ZBTB46: variants seen among roughly 807,000 people sequenced by gnomAD.
ZBTB46 encodes zinc finger and BTB domain-containing protein 46.
In ZBTB46, 8 loss-of-function variants were observed where a neutral mutation model predicts 44.1. That is an observed-to-expected ratio of 0.18 (90% confidence interval 0.11 to 0.33). The LOEUF is 0.33. Ranked by LOEUF, ZBTB46 falls within the 10% of genes least tolerant of loss-of-function variation. The pLI, the probability that ZBTB46 is intolerant of heterozygous loss-of-function variation, is 1.00. For synonymous variants in ZBTB46, 409 were observed against 382.3 expected, an observed-to-expected ratio of 1.07 and a Z score of -0.81; for missense variants, 651 against 847.7, an observed-to-expected ratio of 0.77 and a Z score of 2.88.
intron 1 of ZBTB46, among the ~76,000 whole-genome samples, chr20:63,830,843 GC>G (rs1568916618): frequency 1.4e-5 from 2 of 142,150 alleles, no homozygotes; most frequent in Non-Finnish European, 3.1e-5. Context: ...GCCCCGCCCC[GC>G]GCCGCCGGCC....
chr20:63,779,384 G>A (rs1358139851), intron 2 of ZBTB46, among the ~76,000 whole-genome samples: 3 of 148,698 alleles, frequency 2.0e-5, no homozygotes, highest in Non-Finnish European at 3.0e-5. Flanking sequence ...GGGATTACAG[G>A]TGCGTGCCAC....
chr20:63,823,858 T>TTG (rs11474683), intron 1 of ZBTB46, among the ~76,000 whole-genome samples: 21,951 of 144,710 alleles, frequency 0.15, 1,809 homozygotes, highest in Admixed American at 0.25. Context: ...TCTAGGAACC[T>TTG]TGTGTGTGTG....
At chr20:63,802,864 C>CAG (rs2145989923) in intron 1 of ZBTB46, among the ~76,000 whole-genome samples, 1 of 152,262 alleles carries the variant, frequency 6.6e-6, no homozygotes, top group African/African-American at 2.4e-5. Flanking sequence ...CTCAGGCCCC[C>CAG]AGCACCCTCC....
At chr20:63,791,453 G>A (rs1457680342) in intron 1 of ZBTB46, among the ~76,000 whole-genome samples, 1 of 130,780 alleles carries the variant, frequency 7.6e-6, no homozygotes, top group African/African-American at 3.0e-5. Flanking sequence ...CCGAGATCGC[G>A]CCAGTGCACT....
At chr20:63,796,811 G>T (rs1019946626) in intron 1 of ZBTB46, among the ~76,000 whole-genome samples, 1 of 151,906 alleles carries the variant, frequency 6.6e-6, no homozygotes, top group Admixed American at 6.6e-5. Flanking sequence ...GGCAACAAGA[G>T]TAAGACTCCA....
chr20:63,821,974 G>A (rs1004822472), intron 1 of ZBTB46, among the ~76,000 whole-genome samples: 1 of 152,130 alleles, frequency 6.6e-6, no homozygotes, highest in Non-Finnish European at 1.5e-5. Flanking sequence ...CCTGCCCCAA[G>A]CACTTACTCA....
rs2092848701 is a variant in ZBTB46 at position 63,831,090 on chromosome 20, C to G, written c.-34+7G>C. The G allele has an allele frequency of 7.1e-6, 1 of 141,422 alleles. No individual in the cohort carries two copies. The highest frequency in any genetic ancestry group is 1.6e-5 in the Non-Finnish European group (1 of 63,930). 8.8% of individuals were successfully genotyped at this position (141,422 alleles called of 1,614,324 possible). Reference sequence around the variant, plus strand: ...GGCCGCGCGGACAATGAGCCGGCGCCGCTTACCTGTGACCCCATGGGGCGC... The same window carrying G: ...GGCCGCGCGGACAATGAGCCGGCGCGGCTTACCTGTGACCCCATGGGGCGC... On this transcript the variant is annotated splice_region_variant and intron_variant, in intron 1 of 4. Transcript: ENST00000245663.
rs373590114 is a variant in ZBTB46 at position 63,746,884 on chromosome 20, C to G, written c.*46G>C. On this transcript the variant is annotated 3_prime_UTR_variant, in exon 5 of 5. Coordinates refer to ENST00000245663, the MANE Select transcript of ZBTB46 (RefSeq NM_001369741.1). ...AGTGGAGACCCACCGGACACACACA[C>G]GGGTGGACGGAGCGAGGCAGCCACC... 6.8e-7 allele frequency: 1 copy of G among 1,473,740 alleles called. No homozygotes were observed. Among genetic ancestry groups the G allele is most frequent in the Non-Finnish European group, 9.0e-7 (1 of 1,113,762 alleles). The allele number at this position is 1,473,740 out of a possible 1,614,324, so 91.3% of individuals were successfully genotyped here.
intron 1 of ZBTB46, among the ~76,000 whole-genome samples, chr20:63,822,152 C>T (rs2092795583): frequency 6.6e-6 from 1 of 152,218 alleles, no homozygotes; most frequent in African/African-American, 2.4e-5. Context: ...TCAAGCGGAA[C>T]CGATACACTC....
intron 3 of ZBTB46, among the ~76,000 whole-genome samples, chr20:63,770,105 C>T (rs1477080724): frequency 6.6e-6 from 1 of 152,258 alleles, no homozygotes; most frequent in Non-Finnish European, 1.5e-5. Context: ...CCAGAGGCCG[C>T]GTCCCACATT....
intron 3 of ZBTB46, among the ~76,000 whole-genome samples, chr20:63,765,121 G>A (rs925214087): frequency 5.4e-5 from 8 of 148,490 alleles, no homozygotes; most frequent in East Asian, 1.9e-4. Context: ...GTGTGTGTGC[G>A]TGTGTGTGTG....
At position 63,787,343 on chromosome 20, in the gene ZBTB46, G is replaced by A. The variant is rs1344444978; in HGVS notation, c.937+2478C>T. Among the ~76,000 whole-genome samples the A allele has an allele frequency of 6.6e-6, 1 of 152,176 alleles. No individual in the cohort carries two copies. Among genetic ancestry groups the A allele is most frequent in the South Asian group, 2.1e-4 (1 of 4,830 alleles). On this transcript the variant is annotated intron_variant, in intron 2 of 4. Transcript: ENST00000245663. This position sits in a 1 kb window ranked among gnomAD's most constrained non-coding sequence, Gnocchi z 4.6. Reference sequence around the variant, plus strand: ...ACTTTAAAAAATCAGTTTAGTGTAGGCCACGCCAAGTGTTTATAAAGTCTG... The same window carrying A: ...ACTTTAAAAAATCAGTTTAGTGTAGACCACGCCAAGTGTTTATAAAGTCTG...
chr20:63,789,797 C>T, intron 2 of ZBTB46, 24 bp downstream of exon 2: 1 of 1,584,724 alleles, frequency 6.3e-7, no homozygotes, highest in East Asian at 2.2e-5. Context: ...GCAGCTGAGC[C>T]CCCGTAACGA....
At chr20:63,753,732 GACC>G (rs1454856481) in intron 3 of ZBTB46, among the ~76,000 whole-genome samples, 1 of 152,262 alleles carries the variant, frequency 6.6e-6, no homozygotes, top group African/African-American at 2.4e-5. Context: ...TGCATACTGT[GACC>G]ACCTTTCAGT....
intron 1 of ZBTB46, among the ~76,000 whole-genome samples, chr20:63,811,019 G>A (rs1568897148): frequency 6.6e-6 from 1 of 152,342 alleles, no homozygotes; most frequent in East Asian, 1.9e-4. Flanking sequence ...AGCACCAGCC[G>A]GCGTCCGTGT....
At chr20:63,826,222 C>CTG (rs1230232521) in intron 1 of ZBTB46, among the ~76,000 whole-genome samples, 2 of 152,284 alleles carry the variant, frequency 1.3e-5, no homozygotes, top group Non-Finnish European at 2.9e-5. Flanking sequence ...AACAAAGTAT[C>CTG]TGTGTGTCCC....
intron 1 of ZBTB46, among the ~76,000 whole-genome samples, chr20:63,795,648 C>T (rs1159404832): frequency 6.6e-6 from 1 of 152,212 alleles, no homozygotes; most frequent in Non-Finnish European, 1.5e-5. Flanking sequence ...CCGGGTGCTC[C>T]CACCCATCGT....
intron 3 of ZBTB46, among the ~76,000 whole-genome samples, chr20:63,775,075 C>G (rs971408676): frequency 6.6e-6 from 1 of 152,186 alleles, no homozygotes; most frequent in Non-Finnish European, 1.5e-5. Flanking sequence ...GGGGTGAGCC[C>G]GACACGCAGC....
chr20:63,813,220 G>A lies in ZBTB46; in HGVS notation c.-34+17877C>T, dbSNP rs549550315. ...TCCCAGCACTTTGGGAGGCTGAGGC[G>A]GGTGGATCATCTGAGGTCAGGAGTT... On this transcript the variant is annotated intron_variant, in intron 1 of 4. Coordinates refer to ENST00000245663, the MANE Select transcript of ZBTB46 (RefSeq NM_001369741.1). Among the ~76,000 whole-genome samples, 9 of 152,044 alleles carry A rather than the reference G, an allele frequency of 5.9e-5. No individual in the cohort carries two copies. The East Asian group carries it at 7.7e-4, about 13-fold the overall frequency.
Sources: allele counts gnomAD v4.1 joint callset (sites outside exome capture counted in the v4.1 genomes callset), GRCh38; gene constraint gnomAD v4.1.1; non-coding constraint Gnocchi (gnomAD v3.1); transcripts MANE v1.5; gene names NCBI Gene and HGNC (gene_info 2026-07-23, HGNC 2026-07-21).